ANAPC5: variants seen among roughly 807,000 people sequenced by gnomAD.
The protein encoded by ANAPC5 is anaphase-promoting complex subunit 5.
ANAPC5 carries 60 observed loss-of-function variants against 91.3 expected under a neutral mutation model. That is an observed-to-expected ratio of 0.66 (90% CI 0.53 to 0.81). The LOEUF is 0.81. Among genes scored for constraint, ANAPC5 ranks in the 40% least tolerant of loss-of-function variants. The probability of loss-of-function intolerance (pLI) is 0.00; values close to 1 mark genes in which losing one functional copy is unlikely to be tolerated. For synonymous variants in ANAPC5, 340 were observed against 364.1 expected (o/e 0.93, Z 0.75); for missense variants, 690 against 931.5 (o/e 0.74, Z 3.37).
intron 11 of ANAPC5, among the ~76,000 whole-genome samples, chr12:121,321,574 C>CA (rs1365130970): frequency 1.3e-5 from 2 of 150,480 alleles, no homozygotes; most frequent in Non-Finnish European, 3.0e-5. Flanking sequence ...CTCTGTCACC[C>CA]AGGCTGGAGT....
chr12:121,346,752 G>T, intron 3 of ANAPC5, 144 bp downstream of exon 3: 2 of 504,936 alleles, frequency 4.0e-6, no homozygotes, highest in African/African-American at 4.0e-5. Context: ...GATCAAAACA[G>T]TAAGGCAATA....
chr12:121,328,918 T>C (rs1262885115), intron 9 of ANAPC5: 1 of 154,272 alleles, frequency 6.5e-6, no homozygotes, highest in East Asian at 1.9e-4. Context: ...ACATATGTAA[T>C]AGGAGATCAA....
At chr12:121,335,075 T>A (rs1903178842) in intron 7 of ANAPC5, 1 of 152,646 alleles carries the variant, frequency 6.6e-6, no homozygotes, top group Non-Finnish European at 1.5e-5. Context: ...AAAATACATT[T>A]TTTAAAAATG....
At position 121,346,474 on chromosome 12, in the gene ANAPC5, A is replaced by G. The variant is rs529900077; in HGVS notation, c.397+422T>C. 2.3e-5 allele frequency: 4 copies of G among 176,994 alleles called. No individual in the cohort carries two copies. In the South Asian group the frequency reaches 7.3e-4, roughly 32 times the overall value. 11.0% of individuals were successfully genotyped at this position (176,994 alleles called of 1,614,324 possible). A position where few individuals can be genotyped will look rare whatever the true frequency, so the allele number is the denominator to read the frequency against. ...TACCATGCAAAAAAGCCAGAGGGAT[A>G]GAGCATGGGATAAAGCTAATAGAAA... On this transcript the variant is annotated intron_variant, in intron 3 of 16. Coordinates refer to ENST00000261819, the MANE Select transcript of ANAPC5 (RefSeq NM_016237.5).
chr12:121,347,816 A>G lies in ANAPC5; in HGVS notation c.273T>C (p.Asn91=). Residue 91 remains asparagine, a synonymous_variant, in exon 2 of 17, where the codon AAT becomes AAC. Coordinates refer to ENST00000261819, the MANE Select transcript of ANAPC5 (RefSeq NM_016237.5). ...LIEESCPQLA[N]SVQIRIKLMA... is the part of the protein sequence containing the mutation. The stretch of plus-strand genomic sequence containing the variant: ...ATGAAGTTTACCTGATCTGCACTGA[A>G]TTTGCCAGCTGTGGACAAGACTCTT... The G allele has an allele frequency of 6.2e-7, 1 of 1,613,044 alleles. No homozygotes were observed. The highest frequency in any genetic ancestry group is 8.5e-7 in the Non-Finnish European group (1 of 1,179,046).
chr12:121,315,343 A>G (rs1181006765), intron 15 of ANAPC5, among the ~76,000 whole-genome samples: 2 of 152,374 alleles, frequency 1.3e-5, no homozygotes, highest in Middle Eastern at 3.4e-3. Context: ...AGAGAATAGC[A>G]TTAAGATGGC....
rs114339751 is a variant in ANAPC5 at position 121,342,157 on chromosome 12, G to A, written c.591-88C>T. ...ATAAAATCAGATGGATTCTTGTATC[G>A]AAAGAGTTCAAAAAATTTAACTCTC... On this transcript the variant is annotated intron_variant, in intron 4 of 16. Transcript: ENST00000261819. The surrounding 1 kb of genome is among the most constrained non-coding windows in gnomAD (Gnocchi z 4.1). 3,703 of 1,003,552 alleles carry A rather than the reference G, an allele frequency of 3.7e-3. 90 individuals carry two copies. In the African/African-American group the frequency reaches 0.055, roughly 15 times the overall value. The allele number at this position is 1,003,552 out of a possible 1,614,324, so 62.2% of individuals were successfully genotyped here. A position where few individuals can be genotyped will look rare whatever the true frequency, so the allele number is the denominator to read the frequency against.
intron 5 of ANAPC5, among the ~76,000 whole-genome samples, chr12:121,339,872 T>TG (rs201464964): frequency 0.018 from 2,454 of 133,318 alleles, 68 homozygotes; most frequent in African/African-American, 0.074. Flanking sequence ...CTTCCAGTTT[T>TG]TTTTTTTTTT....
chr12:121,318,456 A>G, intron 14 of ANAPC5, 32 bp from the exon 15 acceptor site: 2 of 1,611,366 alleles, frequency 1.2e-6, no homozygotes, highest in South Asian at 1.1e-5. Flanking sequence ...CAGGATGAGA[A>G]GATCCACCAC....
At chr12:121,325,756 A>G (rs1350561126) in intron 11 of ANAPC5, among the ~76,000 whole-genome samples, 1 of 151,990 alleles carries the variant, frequency 6.6e-6, no homozygotes, top group Admixed American at 6.6e-5. Context: ...AGTCCCAGCT[A>G]TTCGGGAGGC....
At chr12:121,337,116 G>T (rs1204926941) in intron 6 of ANAPC5, among the ~76,000 whole-genome samples, 175 bp downstream of exon 6, 3 of 152,212 alleles carry the variant, frequency 2.0e-5, no homozygotes, top group African/African-American at 4.8e-5. Flanking sequence ...TACCTGGGAG[G>T]CTGAGGCAGG....
chr12:121,339,972 G>A lies in ANAPC5; in HGVS notation c.657+2031C>T, dbSNP rs868931869. ...GCTCACTGTAACCTCCACTCCCCAG[G>A]TTCAAGCGATTCTCCTGCCTCAGCC... On this transcript the variant is annotated intron_variant, in intron 5 of 16. Transcript: ENST00000261819. Among the ~76,000 whole-genome samples, 4 of 146,978 alleles carry A rather than the reference G, an allele frequency of 2.7e-5. No individual in the cohort carries two copies. The South Asian group carries it at 9.1e-4, about 34-fold the overall frequency.
At chr12:121,319,116 C>CACACACACACACACAA (rs1902498006) in intron 13 of ANAPC5, among the ~76,000 whole-genome samples, 2 of 87,386 alleles carry the variant, frequency 2.3e-5, no homozygotes, top group Non-Finnish European at 3.1e-5. Context: ...TATACACAAA[C>CACACACACACACACAA]ACACACACAC....
At position 121,331,310 on chromosome 12, in the gene ANAPC5, C is replaced by G. The variant is rs573209899; in HGVS notation, c.1032+37G>C. ...GGGCCTTGTGAAGGCCAATTCAACC[C>G]GTGAACAAAACTCCCAAGACCAGAG... On this transcript the variant is annotated intron_variant, in intron 8 of 16. Coordinates refer to ENST00000261819, the MANE Select transcript of ANAPC5 (RefSeq NM_016237.5). 1.1e-5 allele frequency: 17 copies of G among 1,550,876 alleles called. No homozygotes were observed. The South Asian group carries it at 1.8e-4, about 17-fold the overall frequency.
intron 3 of ANAPC5, 109 bp from the exon 4 acceptor site, chr12:121,346,140 A>C: frequency 1.2e-6 from 1 of 858,884 alleles, no homozygotes; most frequent in Non-Finnish European, 1.8e-6. Flanking sequence ...CCTTCAGAAG[A>C]GTAAGAAAGA....
chr12:121,344,340 A>T (rs781910898), intron 4 of ANAPC5, among the ~76,000 whole-genome samples: 1 of 152,222 alleles, frequency 6.6e-6, no homozygotes, highest in Admixed American at 6.5e-5. Flanking sequence ...GCACTTTGGG[A>T]GGCCAAGGCG....
chr12:121,328,661 A>T (rs1358689056), intron 9 of ANAPC5, 164 bp from the exon 10 acceptor site: 6 of 608,722 alleles, frequency 9.9e-6, no homozygotes, highest in African/African-American at 1.9e-5. Context: ...GCCATACGAG[A>T]TGTGTTCCTG....
rs569170162 is a variant in ANAPC5, at chr12:121,318,392, C to T, written c.1778G>A (p.Arg593Gln). ...VLLSVAELYW[R>Q]SSSPTIALPM... ...CAGCGCGATGGTAGGGGAGGAAGAT[C>T]GCCAGTACAGCTCTGCCACGGACAG... is the stretch of plus-strand genomic sequence containing the variant. Residue 593 changes from arginine (R) to glutamine (Q), a missense_variant, in exon 15 of 17, where the codon CGA becomes CAA. Coordinates refer to ENST00000261819, the MANE Select transcript of ANAPC5 (RefSeq NM_016237.5). 63 of 1,611,696 alleles carry T rather than the reference C, an allele frequency of 3.9e-5. No homozygotes were observed. The highest frequency in any genetic ancestry group is 6.7e-5 in the East Asian group (3 of 44,862).
upstream of ANAPC5, among the ~76,000 whole-genome samples, chr12:121,353,602 G>C (rs1555275744): frequency 1.3e-5 from 2 of 151,950 alleles, no homozygotes; most frequent in African/African-American, 4.8e-5. Context: ...CACCACGCCC[G>C]GCTAATTTTT....
Sources: allele counts gnomAD v4.1 joint callset (sites outside exome capture counted in the v4.1 genomes callset), GRCh38; gene constraint gnomAD v4.1.1; non-coding constraint Gnocchi (gnomAD v3.1); transcripts MANE v1.5; gene names NCBI Gene and HGNC (gene_info 2026-07-23, HGNC 2026-07-21).